Variants in CERKL observed in about 807,000 individuals in gnomAD.
CERKL encodes ceramide kinase-like protein.
A neutral mutation model predicts 63.4 loss-of-function variants in CERKL; 61 were observed. The observed-to-expected ratio is 0.96, with a 90% CI of 0.78 to 1.19. CERKL has a LOEUF of 1.19. Among genes scored for constraint, CERKL ranks in the 50% most tolerant of loss-of-function variants. CERKL has a pLI of 0.00. For synonymous variants in CERKL, 250 were observed against 230.5 expected, an observed-to-expected ratio of 1.08 and a Z score of -0.77; for missense variants, 675 against 655.5, an observed-to-expected ratio of 1.03 and a Z score of -0.33.
intron 1 of CERKL, among the ~76,000 whole-genome samples, chr2:181,635,267 TAGTTC>T (rs1254543728): frequency 6.6e-6 from 1 of 152,146 alleles, no homozygotes; most frequent in Non-Finnish European, 1.5e-5. Context: ...GGTGTGTTAT[TAGTTC>T]AGAAGCTAGG....
rs1353686526 is a variant in CERKL, at chr2:181,537,557, G to A, written c.*627C>T. The A allele has an allele frequency of 6.8e-6, 3 of 438,740 alleles. No homozygotes were observed. Among genetic ancestry groups the A allele is most frequent in the Non-Finnish European group, 1.4e-5 (3 of 219,076 alleles). The allele number at this position is 438,740 out of a possible 1,614,324, so 27.2% of individuals were successfully genotyped here. A position where few individuals can be genotyped will look rare whatever the true frequency, so the allele number is the denominator to read the frequency against. On this transcript the variant is annotated 3_prime_UTR_variant, in exon 13 of 13. Transcript: ENST00000410087. ...TAACTGCTCTGGATTAGGGAGCAGT[G>A]AATCAAGGCAGACTTATGAAATCTG...
At chr2:181,609,913 G>C (rs1685892674) in intron 1 of CERKL, among the ~76,000 whole-genome samples, 1 of 152,000 alleles carries the variant, frequency 6.6e-6, no homozygotes, top group Non-Finnish European at 1.5e-5. Context: ...CTAATCTTTT[G>C]TAAAGAAAAA....
chr2:181,600,650 A>G (rs1266293431), intron 2 of CERKL, among the ~76,000 whole-genome samples: 1 of 152,262 alleles, frequency 6.6e-6, no homozygotes, highest in Admixed American at 6.5e-5. Context: ...CAATTCAACC[A>G]GAAGATTTAA....
In CERKL at chr2:181,537,369, CAATTACA is replaced by C; in HGVS notation, c.*808_*814del. 2.2e-6 allele frequency: 1 copy of C among 453,782 alleles called. No homozygotes were observed. The highest frequency in any genetic ancestry group is 4.4e-6 in the Non-Finnish European group (1 of 226,698). 28.1% of individuals were successfully genotyped at this position (453,782 alleles called of 1,614,324 possible). ...AGGCCTCTCAGATACAAGGGGAACA[CAATTACA>C]TATTGGGCTAGATTTTGCCCAGTTC... On this transcript the variant is annotated 3_prime_UTR_variant, in exon 13 of 13. Transcript: ENST00000410087.
chr2:181,602,781 C>T (rs1428034191), intron 2 of CERKL, among the ~76,000 whole-genome samples: 1 of 152,192 alleles, frequency 6.6e-6, no homozygotes, highest in South Asian at 2.1e-4. Flanking sequence ...CCTGTGCCAT[C>T]TAACCCTAAA....
chr2:181,610,711 AT>A (rs1685929599), intron 1 of CERKL, among the ~76,000 whole-genome samples: 2 of 152,322 alleles, frequency 1.3e-5, no homozygotes, highest in South Asian at 4.1e-4. Context: ...CACACAACAA[AT>A]TTAACACTGG....
intron 5 of CERKL, among the ~76,000 whole-genome samples, chr2:181,551,042 A>G (rs1026136277): frequency 2.6e-5 from 4 of 152,288 alleles, no homozygotes; most frequent in African/African-American, 9.6e-5. Context: ...TTGTTCCTCA[A>G]GAAGACAATA....
intron 5 of CERKL, among the ~76,000 whole-genome samples, chr2:181,556,003 C>T (rs572465101): frequency 9.2e-5 from 14 of 151,970 alleles, no homozygotes; most frequent in East Asian, 1.9e-4. Flanking sequence ...TCCACTACCT[C>T]GGCCTCCCAA....
intron 3 of CERKL, among the ~76,000 whole-genome samples, chr2:181,571,803 A>C (rs1688914494): frequency 6.6e-6 from 1 of 152,128 alleles, no homozygotes; most frequent in East Asian, 1.9e-4. Flanking sequence ...AAGAGTCTTG[A>C]TGGTTAAATA....
At chr2:181,651,989 G>T (rs939995566) in intron 1 of CERKL, among the ~76,000 whole-genome samples, 2 of 152,052 alleles carry the variant, frequency 1.3e-5, no homozygotes, top group African/African-American at 4.8e-5. Context: ...AAACTTTGAT[G>T]AAAGAAATTA....
At chr2:181,573,969 A>G in intron 2 of CERKL, 85 bp from the exon 3 acceptor site, 8 of 1,246,222 alleles carry the variant, frequency 6.4e-6, no homozygotes, top group Non-Finnish European at 9.3e-6. Flanking sequence ...CAAGTCTGTT[A>G]GAATGTTATA....
At chr2:181,627,072 T>C (rs1055126248) in intron 1 of CERKL, among the ~76,000 whole-genome samples, 5 of 152,238 alleles carry the variant, frequency 3.3e-5, no homozygotes, top group African/African-American at 1.2e-4. Flanking sequence ...ATATTTTCTA[T>C]CAATAATCTA....
intron 2 of CERKL, among the ~76,000 whole-genome samples, chr2:181,582,574 C>T (rs1394556795): frequency 6.7e-6 from 1 of 150,286 alleles, no homozygotes. Flanking sequence ...CTCTGTCACC[C>T]AGGCTGAAGT....
At chr2:181,556,160 G>A (rs10754994) in intron 5 of CERKL, among the ~76,000 whole-genome samples, 115,219 of 151,706 alleles carry the variant, frequency 0.76, 44,421 homozygotes, top group South Asian at 0.89. Context: ...CTTAATGTCT[G>A]CTCTGCCAGG....
At chr2:181,585,218 G>A (rs1413992833) in intron 2 of CERKL, among the ~76,000 whole-genome samples, 1 of 151,882 alleles carries the variant, frequency 6.6e-6, no homozygotes, top group African/African-American at 2.4e-5. Context: ...GCTCCTTGAG[G>A]TCAAGAACTT....
intron 2 of CERKL, among the ~76,000 whole-genome samples, chr2:181,574,794 G>T (rs564546636): frequency 2.6e-5 from 4 of 152,254 alleles, no homozygotes; most frequent in African/African-American, 9.6e-5. Flanking sequence ...AGTGAAAATT[G>T]TCCACTACAA....
intron 1 of CERKL, among the ~76,000 whole-genome samples, chr2:181,628,100 A>C (rs1048689038): frequency 7.7e-5 from 1 of 13,056 alleles, no homozygotes; most frequent in Non-Finnish European, 1.1e-4. Flanking sequence ...TTTTTGTGTT[A>C]AAAAAAAATT....
intron 3 of CERKL, among the ~76,000 whole-genome samples, chr2:181,571,723 C>T (rs1048963670): frequency 2.0e-5 from 3 of 152,102 alleles, no homozygotes; most frequent in South Asian, 4.1e-4. Context: ...TTTCTTCTCC[C>T]TAACAGAATC....
At chr2:181,653,787 A>G (rs1331628540) in intron 1 of CERKL, among the ~76,000 whole-genome samples, 2 of 152,228 alleles carry the variant, frequency 1.3e-5, no homozygotes, top group Non-Finnish European at 2.9e-5. Context: ...AGGTTAGTCA[A>G]AAGACACAAA....
Sources: allele counts gnomAD v4.1 joint callset (sites outside exome capture counted in the v4.1 genomes callset), GRCh38; gene constraint gnomAD v4.1.1; transcripts MANE v1.5; gene names NCBI Gene and HGNC (gene_info 2026-07-23, HGNC 2026-07-21).